Variants in NDRG3 observed in about 807,000 individuals in gnomAD.
The protein encoded by NDRG3 is NDRG family member 3.
A neutral mutation model predicts 57.2 loss-of-function variants in NDRG3; 23 were observed. The observed-to-expected ratio is 0.40, with a 90% CI of 0.29 to 0.57. The LOEUF is 0.57. Ranked by LOEUF, NDRG3 falls within the 20% of genes least tolerant of loss-of-function variation. The pLI, the probability that NDRG3 is intolerant of heterozygous loss-of-function variation, is 0.42. For missense variants in NDRG3, 384 were observed against 457.3 expected, an observed-to-expected ratio of 0.84 and a Z score of 1.46; for synonymous variants, 132 against 162.6, an observed-to-expected ratio of 0.81 and a Z score of 1.43.
At chr20:36,684,147 G>A (rs1035305756) in intron 6 of NDRG3, among the ~76,000 whole-genome samples, 2 of 152,102 alleles carry the variant, frequency 1.3e-5, no homozygotes, top group East Asian at 3.8e-4. Context: ...AAATCTTCTA[G>A]GTCTCAGCGT....
At chr20:36,737,063 G>A (rs546634145) in intron 1 of NDRG3, among the ~76,000 whole-genome samples, 5 of 152,156 alleles carry the variant, frequency 3.3e-5, no homozygotes, top group African/African-American at 1.2e-4. Context: ...TGGTAAATGA[G>A]AGGTTTGTAG....
chr20:36,661,786 G>GC (rs934009987), intron 12 of NDRG3, among the ~76,000 whole-genome samples: 5 of 152,162 alleles, frequency 3.3e-5, no homozygotes, highest in Non-Finnish European at 7.3e-5. Context: ...ATGATAGACT[G>GC]CAAGTGGCAG....
Position 36,653,690 on chromosome 20 carries a change from T to A in NDRG3, c.958A>T (p.Ser320Cys). ...LQGMGYIPSA[S>C]MTRLARSRTH... Reference sequence around the variant, plus strand: ...CGTGATCGGGCGAGCCGAGTCATGCTGGCAGATGGTACTGTAACAGAGAAC... The same window carrying A: ...CGTGATCGGGCGAGCCGAGTCATGCAGGCAGATGGTACTGTAACAGAGAAC... The change falls in exon 16 of 16, where the codon AGC becomes TGC. Residue 320 changes from serine (S) to cysteine (C), a missense_variant. Physicochemically the swap from Ser to Cys is moderately radical, Grantham distance 112. Coordinates refer to ENST00000349004, the MANE Select transcript of NDRG3 (RefSeq NM_032013.4). This position sits in a 1 kb window ranked among gnomAD's most constrained non-coding sequence, Gnocchi z 4.2. 6.2e-7 allele frequency: 1 copy of A among 1,613,520 alleles called. No individual in the cohort carries two copies. The highest frequency in any genetic ancestry group is 8.5e-7 in the Non-Finnish European group (1 of 1,180,018).
At chr20:36,657,943 T>C (rs2148021406) in intron 13 of NDRG3, among the ~76,000 whole-genome samples, 1 of 152,290 alleles carries the variant, frequency 6.6e-6, no homozygotes, top group South Asian at 2.1e-4. Context: ...ATTTCCAAGA[T>C]GGGTACCTAT....
intron 10 of NDRG3, 110 bp downstream of exon 10, chr20:36,666,179 C>T: frequency 1.3e-6 from 1 of 787,074 alleles, no homozygotes; most frequent in African/African-American, 1.7e-5. Context: ...CTCACATTTT[C>T]ACCTCGGAGA....
At chr20:36,738,103 G>A (rs1367897964) in intron 1 of NDRG3, among the ~76,000 whole-genome samples, 1 of 151,762 alleles carries the variant, frequency 6.6e-6, no homozygotes, top group African/African-American at 2.4e-5. Flanking sequence ...CAAAATTTAG[G>A]TATCGTTATT....
intron 2 of NDRG3, among the ~76,000 whole-genome samples, chr20:36,716,861 C>T (rs1048492800): frequency 3.3e-5 from 5 of 152,102 alleles, no homozygotes; most frequent in African/African-American, 9.7e-5. Flanking sequence ...GAACCCTAGA[C>T]CCCCAGGTCC....
intron 13 of NDRG3, among the ~76,000 whole-genome samples, chr20:36,657,927 G>A (rs1978820473): frequency 6.6e-6 from 1 of 152,186 alleles, no homozygotes; most frequent in Admixed American, 6.5e-5. Context: ...AATACTGGGA[G>A]AAACTATTTC....
At chr20:36,730,978 A>G (rs1188505636) in intron 1 of NDRG3, among the ~76,000 whole-genome samples, 2 of 152,018 alleles carry the variant, frequency 1.3e-5, no homozygotes, top group African/African-American at 4.8e-5. Flanking sequence ...AAGTAGAACA[A>G]GGTCAGAGAA....
chr20:36,717,770 T>C (rs777832968), intron 2 of NDRG3, among the ~76,000 whole-genome samples: 2 of 152,204 alleles, frequency 1.3e-5, no homozygotes, highest in Non-Finnish European at 2.9e-5. Context: ...TCTGAAGGCT[T>C]TTCCTCTATA....
At chr20:36,678,916 T>A (rs1334069557) in intron 8 of NDRG3, among the ~76,000 whole-genome samples, 1 of 152,260 alleles carries the variant, frequency 6.6e-6, no homozygotes, top group Non-Finnish European at 1.5e-5. Flanking sequence ...GTGTAAATGG[T>A]TAAATACTTT....
intron 1 of NDRG3, among the ~76,000 whole-genome samples, chr20:36,727,885 A>G (rs1985041825): frequency 6.6e-6 from 1 of 151,912 alleles, no homozygotes; most frequent in South Asian, 2.1e-4. Context: ...AAGTTAAGTA[A>G]CTTCTAAAAT....
At chr20:36,691,600 C>A (rs1390222299) in intron 3 of NDRG3, among the ~76,000 whole-genome samples, 1 of 152,064 alleles carries the variant, frequency 6.6e-6, no homozygotes, top group Non-Finnish European at 1.5e-5. Context: ...GTAATCCCAG[C>A]TACTTAGGAG....
intron 2 of NDRG3, among the ~76,000 whole-genome samples, chr20:36,715,049 T>A (rs1984185776): frequency 1.7e-5 from 2 of 121,190 alleles, no homozygotes; most frequent in South Asian, 5.1e-4. Context: ...TATATATATA[T>A]ATATATTATA....
chr20:36,735,753 C>T (rs1236203078), intron 1 of NDRG3, among the ~76,000 whole-genome samples: 1 of 152,014 alleles, frequency 6.6e-6, no homozygotes, highest in African/African-American at 2.4e-5. Context: ...CTTTGGGAGG[C>T]TGAGGTGGGA....
chr20:36,727,033 C>T (rs1984980516), intron 1 of NDRG3, among the ~76,000 whole-genome samples: 1 of 151,852 alleles, frequency 6.6e-6, no homozygotes, highest in Non-Finnish European at 1.5e-5. Context: ...TCTCCTGCCT[C>T]AGCCTCCCAA....
At chr20:36,674,284 T>A (rs997927026) in intron 8 of NDRG3, among the ~76,000 whole-genome samples, 4 of 151,758 alleles carry the variant, frequency 2.6e-5, no homozygotes, top group African/African-American at 9.7e-5. Context: ...ACTGCAAACT[T>A]TGCCTCCCGG....
chr20:36,665,453 T>C (rs1979545758), intron 10 of NDRG3, 152 bp from the exon 11 acceptor site: 3 of 716,876 alleles, frequency 4.2e-6, no homozygotes, highest in East Asian at 2.6e-5. Flanking sequence ...ACTTGGTTCT[T>C]GAGTCGCCAT....
chr20:36,733,453 G>A (rs1464615024), intron 1 of NDRG3, among the ~76,000 whole-genome samples: 4 of 151,714 alleles, frequency 2.6e-5, no homozygotes, highest in South Asian at 2.1e-4. Flanking sequence ...GGCCGGGCGC[G>A]GTGGCTCACG....
Sources: gnomAD v4.1 joint callset for allele counts (sites outside exome capture counted in the v4.1 genomes callset) on GRCh38, gnomAD v4.1.1 for gene constraint, Gnocchi (gnomAD v3.1) non-coding constraint, MANE v1.5 for transcripts, NCBI Gene and HGNC (gene_info 2026-07-23, HGNC 2026-07-21) for gene names.